The following XKR9 variants were observed in gnomAD, a reference collection of about 807,000 sequenced individuals.
The protein encoded by XKR9 is XK-related protein 9.
A neutral mutation model predicts 32.0 loss-of-function variants in XKR9; 32 were observed. That is an observed-to-expected ratio of 1.00 (90% CI 0.76 to 1.34). XKR9 has a LOEUF of 1.34. XKR9 is among the 40% of genes most tolerant of loss of function. The pLI is 0.00. For missense variants in XKR9, 546 were observed against 429.7 expected, an observed-to-expected ratio of 1.27 and a Z score of -2.39; for synonymous variants, 168 against 143.4, an observed-to-expected ratio of 1.17 and a Z score of -1.22.
the XKR9 span, among the ~76,000 whole-genome samples, chr8:71,019,219 T>C: frequency 2.6e-5 from 4 of 152,286 alleles, no homozygotes; most frequent in African/African-American, 9.6e-5. Flanking sequence ...AAGGAAAGAT[T>C]TGGTTGGTTA....
chr8:70,794,252 A>G (rs1807800642), downstream of XKR9, among the ~76,000 whole-genome samples: 1 of 151,938 alleles, frequency 6.6e-6, no homozygotes, highest in Admixed American at 6.6e-5. Context: ...ACAGGTTTTT[A>G]TTAGTATTTT....
chr8:70,732,847 G>A (rs1806717834), intron 4 of XKR9, among the ~76,000 whole-genome samples: 1 of 152,242 alleles, frequency 6.6e-6, no homozygotes, highest in African/African-American at 2.4e-5. Flanking sequence ...GCCAGGTGCA[G>A]TGGCTCACGC....
At chr8:70,705,161 ATTTATC>A (rs1021756492) in intron 3 of XKR9, among the ~76,000 whole-genome samples, 2 of 152,262 alleles carry the variant, frequency 1.3e-5, no homozygotes, top group African/African-American at 4.8e-5. Flanking sequence ...CCTACCATCT[ATTTATC>A]TTTATGGAAA....
chr8:70,717,404 T>C (rs1341574226), intron 4 of XKR9, among the ~76,000 whole-genome samples: 1 of 152,162 alleles, frequency 6.6e-6, no homozygotes, highest in Non-Finnish European at 1.5e-5. Context: ...ATACATCCTC[T>C]AAAATCTAGG....
chr8:70,942,530 G>A, the XKR9 span, among the ~76,000 whole-genome samples: 1 of 152,122 alleles, frequency 6.6e-6, no homozygotes, highest in Admixed American at 6.6e-5. Flanking sequence ...GTGATAGATT[G>A]TTGCAGTCAC....
At chr8:70,909,591 C>T in the XKR9 span, among the ~76,000 whole-genome samples, 2 of 151,216 alleles carry the variant, frequency 1.3e-5, no homozygotes, top group Non-Finnish European at 2.9e-5. Flanking sequence ...GCCAAGATGC[C>T]GAGATCTCGC....
chr8:70,718,612 G>C (rs1171161679), intron 4 of XKR9, among the ~76,000 whole-genome samples: 1 of 152,054 alleles, frequency 6.6e-6, no homozygotes, highest in Non-Finnish European at 1.5e-5. Context: ...GAGAATGATG[G>C]TTTCCAGCTT....
chr8:70,791,674 C>T (rs543729554), downstream of XKR9, among the ~76,000 whole-genome samples: 63 of 152,138 alleles, frequency 4.1e-4, no homozygotes, highest in African/African-American at 1.5e-3. Flanking sequence ...AGAAAGCACT[C>T]ACCAGATGCT....
chr8:70,809,473 G>C, the XKR9 span, among the ~76,000 whole-genome samples: 1 of 152,190 alleles, frequency 6.6e-6, no homozygotes, highest in Non-Finnish European at 1.5e-5. Context: ...AGAGAAGAAT[G>C]CTTCAGATGA....
At chr8:70,707,177 G>C in intron 4 of XKR9, 24 bp downstream of exon 4, 3 of 1,590,454 alleles carry the variant, frequency 1.9e-6, no homozygotes, top group Non-Finnish European at 2.6e-6. Context: ...AACTCCTTGT[G>C]TTAAATGGAT....
chr8:70,792,504 G>A (rs1807777134), downstream of XKR9, among the ~76,000 whole-genome samples: 1 of 152,098 alleles, frequency 6.6e-6, no homozygotes, highest in Non-Finnish European at 1.5e-5. Flanking sequence ...ATGAATAAAT[G>A]AGGAAATCAA....
At chr8:71,042,826 G>A in the XKR9 span, among the ~76,000 whole-genome samples, 2 of 152,126 alleles carry the variant, frequency 1.3e-5, no homozygotes, top group Admixed American at 6.5e-5. Context: ...TGACACATGG[G>A]CTTCCTGGTG....
At chr8:70,716,957 C>A (rs1806114554) in intron 4 of XKR9, among the ~76,000 whole-genome samples, 1 of 152,100 alleles carries the variant, frequency 6.6e-6, no homozygotes, top group South Asian at 2.1e-4. Context: ...GAGAATTTGG[C>A]CAAAACAAAG....
chr8:71,041,971 C>T, the XKR9 span, among the ~76,000 whole-genome samples: 4 of 152,048 alleles, frequency 2.6e-5, no homozygotes, highest in Non-Finnish European at 5.9e-5. Flanking sequence ...GGAGGAAACT[C>T]CTCTGAGGAG....
At chr8:70,744,263 A>G (rs1203542286) in intron 2 of XKR9, among the ~76,000 whole-genome samples, 1 of 152,050 alleles carries the variant, frequency 6.6e-6, no homozygotes, top group Non-Finnish European at 1.5e-5. Context: ...GTGAGCCGAG[A>G]TCATGCCATT....
chr8:71,008,144 TG>T, the XKR9 span, among the ~76,000 whole-genome samples: 1 of 152,138 alleles, frequency 6.6e-6, no homozygotes, highest in East Asian at 1.9e-4. Flanking sequence ...AAAGAATTTT[TG>T]GGGGTAAGGC....
At chr8:70,739,106 T>C (rs892442244), downstream of XKR9, among the ~76,000 whole-genome samples, 1 of 151,982 alleles carries the variant, frequency 6.6e-6, no homozygotes, top group African/African-American at 2.4e-5. Flanking sequence ...GGAATCTAAG[T>C]CTGTTTGTAG....
At chr8:70,878,711 C>T in the XKR9 span, among the ~76,000 whole-genome samples, 1 of 152,156 alleles carries the variant, frequency 6.6e-6, no homozygotes, top group Admixed American at 6.5e-5. Flanking sequence ...TAATGGGAGA[C>T]TTTAACACCC....
At chr8:70,886,977 C>T in the XKR9 span, among the ~76,000 whole-genome samples, 8 of 152,008 alleles carry the variant, frequency 5.3e-5, no homozygotes, top group East Asian at 1.5e-3. Flanking sequence ...ATGTTCTTTA[C>T]CTAGTCAGCT....
Sources: gnomAD v4.1 joint callset for allele counts (sites outside exome capture counted in the v4.1 genomes callset) on GRCh38, gnomAD v4.1.1 for gene constraint, MANE v1.5 for transcripts, NCBI Gene and HGNC (gene_info 2026-07-23, HGNC 2026-07-21) for gene names.